PHKB: variants seen among roughly 807,000 people sequenced by gnomAD.
The protein encoded by PHKB is phosphorylase b kinase regulatory subunit beta.
In PHKB, 122 loss-of-function variants were observed where a neutral mutation model predicts 152.1. The observed-to-expected ratio is 0.80, with a 90% CI of 0.69 to 0.93. The LOEUF is 0.93. Among genes scored for constraint, PHKB ranks in the 40% least tolerant of loss-of-function variants. The pLI is 0.00. For synonymous variants in PHKB, 436 were observed against 464.9 expected (o/e 0.94, Z 0.80); for missense variants, 1,304 against 1,328.4 (o/e 0.98, Z 0.29).
chr16:47,647,987 A>G (rs979241594), intron 16 of PHKB, among the ~76,000 whole-genome samples: 1 of 152,202 alleles, frequency 6.6e-6, no homozygotes, highest in Non-Finnish European at 1.5e-5. Context: ...ACAATGAACT[A>G]TATATACCCC....
chr16:47,510,173 G>A lies in PHKB; in HGVS notation c.406-1492G>A, dbSNP rs1476227387. On this transcript the variant is annotated intron_variant, in intron 4 of 30. Coordinates refer to ENST00000323584, the MANE Select transcript of PHKB (RefSeq NM_000293.3). ...CATTACCCTCTTGGCATGCAGATGT[G>A]TTCACAGACCCAGAAGCCCTCCAGA... is the stretch of plus-strand genomic sequence containing the variant. 3.3e-5 allele frequency among the ~76,000 whole-genome samples: 5 copies of A among 152,288 alleles called. No homozygotes were observed. In the East Asian group the frequency reaches 7.7e-4, roughly 24 times the overall value.
intron 4 of PHKB, among the ~76,000 whole-genome samples, chr16:47,504,098 T>C (rs920040536): frequency 6.6e-6 from 1 of 152,170 alleles, no homozygotes; most frequent in African/African-American, 2.4e-5. Context: ...TAGTTGTGGC[T>C]ATGGTTTATT....
intron 13 of PHKB, among the ~76,000 whole-genome samples, chr16:47,596,873 T>C (rs1443921552): frequency 6.6e-6 from 1 of 152,158 alleles, no homozygotes; most frequent in Non-Finnish European, 1.5e-5. Flanking sequence ...ACAGTAACAG[T>C]CATGCTTGGT....
chr16:47,652,697 TG>T (rs1973259454), intron 20 of PHKB, among the ~76,000 whole-genome samples: 1 of 152,086 alleles, frequency 6.6e-6, no homozygotes, highest in Non-Finnish European at 1.5e-5. Context: ...CAGGCTGGAG[TG>T]CAGTAGAGTA....
At chr16:47,679,359 G>T (rs951444288) in intron 26 of PHKB, among the ~76,000 whole-genome samples, 23 of 152,170 alleles carry the variant, frequency 1.5e-4, no homozygotes, top group Non-Finnish European at 2.9e-4. Flanking sequence ...ATTACCTTGG[G>T]CACTATGGCC....
chr16:47,473,049 T>TG lies in PHKB; in HGVS notation c.76+11623_76+11624insG, dbSNP rs1302785170. On this transcript the variant is annotated intron_variant, in intron 1 of 30. Transcript: ENST00000323584. ...GTAGCTTCTAGGATCTGTGTTTTTTTTTTTGTTTGTTTGTTTGTTTGTTTT... is the reference window on the plus strand; with the variant it reads ...GTAGCTTCTAGGATCTGTGTTTTTTTGTTTTGTTTGTTTGTTTGTTTGTTTT... Among the ~76,000 whole-genome samples, 633 of 151,630 alleles carry TG rather than the reference T, an allele frequency of 4.2e-3. 6 individuals carry two copies. The highest frequency in any genetic ancestry group is 0.015 in the African/African-American group (603 of 41,408).
chr16:47,690,455 C>T (rs969563299), intron 27 of PHKB, among the ~76,000 whole-genome samples: 1 of 152,032 alleles, frequency 6.6e-6, no homozygotes, highest in South Asian at 2.1e-4. Flanking sequence ...AGTAGACAAC[C>T]AATGTCAGAA....
At chr16:47,581,872 G>T (rs1381289715) in intron 8 of PHKB, among the ~76,000 whole-genome samples, 19 of 152,070 alleles carry the variant, frequency 1.2e-4, no homozygotes, top group Admixed American at 1.2e-3. Flanking sequence ...TTGAGACGGG[G>T]TTTCACCATG....
intron 8 of PHKB, among the ~76,000 whole-genome samples, chr16:47,581,600 A>C (rs1285212279): frequency 1.3e-5 from 2 of 152,248 alleles, no homozygotes; most frequent in African/African-American, 4.8e-5. Flanking sequence ...GGAGGTTTTC[A>C]TGCAAATAAA....
intron 29 of PHKB, 48 bp downstream of exon 29, chr16:47,696,536 T>C: frequency 9.5e-7 from 1 of 1,048,424 alleles, no homozygotes; most frequent in Non-Finnish European, 1.5e-6. Flanking sequence ...TTCTCTCTGC[T>C]CCGTGAAAAC....
chr16:47,499,857 T>G lies in PHKB; in HGVS notation c.268T>G (p.Cys90Gly), dbSNP rs1461377101. Reference protein sequence around the residue: ...QKAKIQDSLYCAAGAWALALA... With the variant: ...QKAKIQDSLYGAAGAWALALA... ...GGCCAAGATCCAGGACAGCCTATAC[T>G]GCGCTGCTGGGGCCTGGGCTTTGGC... The change falls in exon 3 of 31, where the codon TGC becomes GGC. Residue 90 changes from cysteine (C) to glycine (G), a missense_variant. By Grantham distance (159) the Cys-to-Gly change is radical. Transcript: ENST00000323584. The G allele has an allele frequency of 6.2e-7, 1 of 1,614,204 alleles. No homozygotes were observed. Among genetic ancestry groups the G allele is most frequent in the Non-Finnish European group, 8.5e-7 (1 of 1,180,026 alleles).
intron 7 of PHKB, among the ~76,000 whole-genome samples, chr16:47,570,876 A>C (rs1971646732): frequency 6.6e-6 from 1 of 151,886 alleles, no homozygotes; most frequent in African/African-American, 2.4e-5. Context: ...ATATTGCCAG[A>C]ATTATTTTTC....
At position 47,503,024 on chromosome 16, in the gene PHKB, G is replaced by C; in HGVS notation, c.339G>C (p.Glu113Asp). 3 of 1,613,684 alleles carry C rather than the reference G, an allele frequency of 1.9e-6. 1 individual carries two copies. In the East Asian group the frequency reaches 6.7e-5, roughly 36 times the overall value. The change falls in exon 4 of 31, where the codon GAG (glutamate) becomes GAC (aspartate). Residue 113 changes from glutamate to aspartate, a missense_variant. By Grantham distance (45) the Glu-to-Asp change is conservative. Coordinates refer to ENST00000323584, the MANE Select transcript of PHKB (RefSeq NM_000293.3). ...ATGATGACAAGGGAAGGACCCATGA[G>C]CTGGAGCACTCAGCTATAAAATGCA... is the stretch of plus-strand genomic sequence containing the variant. ...RIDDDKGRTH[E>D]LEHSAIKCMR... is the part of the protein sequence containing the mutation.
intron 26 of PHKB, among the ~76,000 whole-genome samples, chr16:47,685,592 G>A (rs560236777): frequency 6.6e-6 from 1 of 152,072 alleles, no homozygotes; most frequent in South Asian, 2.1e-4. Flanking sequence ...TTACTCCTTG[G>A]TAATTTACTT....
At chr16:47,640,010 GTT>G (rs1972988154) in intron 14 of PHKB, among the ~76,000 whole-genome samples, 1 of 152,188 alleles carries the variant, frequency 6.6e-6, no homozygotes, top group Non-Finnish European at 1.5e-5. Context: ...TTGTTGGATT[GTT>G]AAATCACATT....
intron 1 of PHKB, among the ~76,000 whole-genome samples, chr16:47,467,213 T>G (rs1317460404): frequency 6.6e-6 from 1 of 152,224 alleles, no homozygotes; most frequent in Non-Finnish European, 1.5e-5. Context: ...TGATTTCTTA[T>G]CTCTCTCATT....
In PHKB at chr16:47,618,800, C is replaced by T. The variant is rs996088810; in HGVS notation, c.1458+7880C>T. On this transcript the variant is annotated intron_variant, in intron 14 of 30. Transcript: ENST00000323584. ...ATTATCCCATCCTATAAATTACTCCCGGAAAACAAGTCATGTGTTTAGAAG... is the reference window on the plus strand; with the variant it reads ...ATTATCCCATCCTATAAATTACTCCTGGAAAACAAGTCATGTGTTTAGAAG... Among the ~76,000 whole-genome samples the T allele has an allele frequency of 1.4e-4, 21 of 152,128 alleles. 1 individual carries two copies. The highest frequency in any genetic ancestry group is 9.2e-4 in the Admixed American group (14 of 15,264).
intron 13 of PHKB, chr16:47,598,507 C>A: frequency 1.7e-6 from 1 of 582,184 alleles, no homozygotes; most frequent in South Asian, 2.2e-5. Context: ...ACCATATTAC[C>A]ATAATCACCA....
At chr16:47,511,861 G>C (rs756144076) in intron 5 of PHKB, 89 bp downstream of exon 5, 1 of 883,870 alleles carries the variant, frequency 1.1e-6, no homozygotes, top group Non-Finnish European at 1.9e-6. Context: ...GACTAGTTTT[G>C]TGGAAAACAA....
Sources: allele counts gnomAD v4.1 joint callset (sites outside exome capture counted in the v4.1 genomes callset), GRCh38; gene constraint gnomAD v4.1.1; transcripts MANE v1.5; gene names NCBI Gene and HGNC (gene_info 2026-07-23, HGNC 2026-07-21).